The following C12orf76 variants were observed in gnomAD, a reference collection of about 807,000 sequenced individuals.
The protein encoded by C12orf76 is uncharacterized protein C12orf76.
In C12orf76, 6 loss-of-function variants were observed where a neutral mutation model predicts 6.8. The observed-to-expected ratio is 0.88, with a 90% CI of 0.48 to 1.73. The LOEUF (loss-of-function observed/expected upper bound fraction) is 1.73, where lower values mean the gene tolerates loss of function less well. Ranked by LOEUF, C12orf76 falls within the 40% of genes most tolerant of loss-of-function variation. The pLI is 0.01. For missense variants in C12orf76, 99 were observed against 98.2 expected (o/e 1.01, Z -0.03); for synonymous variants, 56 against 43.7 (o/e 1.28, Z -1.11).
At chr12:110,046,736 C>CT (rs1892459010) in intron 1 of C12orf76, among the ~76,000 whole-genome samples, 1 of 152,166 alleles carries the variant, frequency 6.6e-6, no homozygotes, top group South Asian at 2.1e-4. Flanking sequence ...GCAGACTACC[C>CT]TTTGAGTAGT....
At chr12:110,058,697 GC>G (rs1892719173) in intron 3 of C12orf76, among the ~76,000 whole-genome samples, 1 of 152,058 alleles carries the variant, frequency 6.6e-6, no homozygotes, top group South Asian at 2.1e-4. Flanking sequence ...AGAAAGAACT[GC>G]CCATTTTGTA....
chr12:110,061,180 C>T (rs1265397206), intron 2 of C12orf76, among the ~76,000 whole-genome samples: 2 of 151,886 alleles, frequency 1.3e-5, no homozygotes, highest in African/African-American at 4.8e-5. Flanking sequence ...ATGAACACTT[C>T]GAACTCAATG....
At chr12:110,067,609 C>T (rs895531299) in exon 1 of C12orf76, 72 of 983,222 alleles carry the variant, frequency 7.3e-5, no homozygotes, top group Admixed American at 1.2e-4. Flanking sequence ...CTCCAGACCT[C>T]AGGTGATCCA....
intron 3 of C12orf76, among the ~76,000 whole-genome samples, chr12:110,058,526 G>A (rs1408641653): frequency 6.6e-6 from 1 of 152,116 alleles, no homozygotes; most frequent in Non-Finnish European, 1.5e-5. Context: ...TTATCCAGTT[G>A]TGGTGGTGCA....
In C12orf76 at chr12:110,054,397, C is replaced by T. The variant is rs1164623947; in HGVS notation, n.664+2792G>A. Reference sequence around the variant, plus strand: ...AACAGGGTACTCATACATGCTATTACATCGATGAACCTTGAAAACATTATG... The same window carrying T: ...AACAGGGTACTCATACATGCTATTATATCGATGAACCTTGAAAACATTATG... On this transcript the variant is annotated intron_variant and non_coding_transcript_variant, in intron 4 of 4. Coordinates refer to the C12orf76 transcript ENST00000309050. The surrounding 1 kb of genome is among the most constrained non-coding windows in gnomAD (Gnocchi z 4.4). Among the ~76,000 whole-genome samples the T allele has an allele frequency of 6.6e-6, 1 of 152,218 alleles. No individual in the cohort carries two copies. The highest frequency in any genetic ancestry group is 1.5e-5 in the Non-Finnish European group (1 of 68,040).
chr12:110,043,697 C>CA (rs908138002), intron 1 of C12orf76, among the ~76,000 whole-genome samples: 10 of 151,340 alleles, frequency 6.6e-5, no homozygotes, highest in East Asian at 1.9e-4. Flanking sequence ...ACTAAAAATA[C>CA]AAAAAAAATT....
At chr12:110,044,043 A>AAAAG (rs1404188966) in intron 1 of C12orf76, 20 of 152,138 alleles carry the variant, frequency 1.3e-4, no homozygotes, top group African/African-American at 4.1e-4. Context: ...AAGAAAAAAA[A>AAAAG]AAACTAGCGT....
At chr12:110,048,542 C>T (rs1892514439), upstream of C12orf76, 3 of 1,372,258 alleles carry the variant, frequency 2.2e-6, no homozygotes, top group East Asian at 3.0e-5. Context: ...GTCGCAAGCC[C>T]TGCCTCTGTC....
chr12:110,042,588 A>T (rs1289158965), intron 1 of C12orf76, 129 bp from the exon 2 acceptor site: 1 of 716,298 alleles, frequency 1.4e-6, no homozygotes, highest in Admixed American at 2.0e-5. Flanking sequence ...AAACAGCTGT[A>T]AACAGATCCT....
chr12:110,059,378 G>T (rs188687989), intron 2 of C12orf76, among the ~76,000 whole-genome samples: 2 of 152,182 alleles, frequency 1.3e-5, no homozygotes, highest in African/African-American at 4.8e-5. Context: ...TTGTCTAATT[G>T]CTCTGGCTAG....
chr12:110,064,284 C>T (rs942597469), intron 2 of C12orf76, among the ~76,000 whole-genome samples: 2 of 152,222 alleles, frequency 1.3e-5, no homozygotes, highest in Non-Finnish European at 2.9e-5. Flanking sequence ...TTTTGGAAAG[C>T]TTGGGTCTCA....
At chr12:110,058,946 T>C (rs1566077076) in intron 3 of C12orf76, 4 of 1,480,114 alleles carry the variant, frequency 2.7e-6, no homozygotes, top group Admixed American at 2.7e-5. Context: ...ACCAAAAAAA[T>C]GAAAACAAAA....
upstream of C12orf76, among the ~76,000 whole-genome samples, chr12:110,052,503 C>G (rs146152654): frequency 4.7e-3 from 723 of 152,222 alleles, 8 homozygotes; most frequent in African/African-American, 0.017. Context: ...GCTGCAGGAG[C>G]TACTCTTTAT....
chr12:110,070,464 G>GATGA, upstream of C12orf76, among the ~76,000 whole-genome samples: 1 of 152,184 alleles, frequency 6.6e-6, no homozygotes, highest in East Asian at 1.9e-4. Context: ...TACTTGGGAG[G>GATGA]ATGAGGCAGG....
At chr12:110,051,266 A>C (rs776035852), upstream of C12orf76, 1 of 734,902 alleles carries the variant, frequency 1.4e-6, no homozygotes, top group Non-Finnish European at 2.5e-6. Context: ...GCTCGGCTGC[A>C]TGACTTGCTT....
At chr12:110,068,835 T>TA (rs1422321805), upstream of C12orf76, among the ~76,000 whole-genome samples, 6 of 152,174 alleles carry the variant, frequency 3.9e-5, no homozygotes, top group Non-Finnish European at 8.8e-5. Context: ...GATTGCCACC[T>TA]ATGGTCCACA....
intron 2 of C12orf76, among the ~76,000 whole-genome samples, chr12:110,065,549 C>T (rs1892845288): frequency 6.6e-6 from 1 of 152,122 alleles, no homozygotes. Flanking sequence ...CTAGCAAATC[C>T]ATCAGTTCTG....
chr12:110,042,836 T>A (rs1951738095), intron 1 of C12orf76, among the ~76,000 whole-genome samples: 1 of 151,658 alleles, frequency 6.6e-6, no homozygotes, highest in Non-Finnish European at 1.5e-5. Flanking sequence ...GGTGGGTGGA[T>A]CACTTGAGGT....
upstream of C12orf76, among the ~76,000 whole-genome samples, chr12:110,053,539 A>G (rs1593246881): frequency 6.6e-6 from 1 of 152,214 alleles, no homozygotes; most frequent in Non-Finnish European, 1.5e-5. Flanking sequence ...TCTAATGCAT[A>G]GCCAGGGCTG....
Sources: gnomAD v4.1 joint callset for allele counts (sites outside exome capture counted in the v4.1 genomes callset) on GRCh38, gnomAD v4.1.1 for gene constraint, Gnocchi (gnomAD v3.1) non-coding constraint, MANE v1.5 for transcripts, NCBI Gene and HGNC (gene_info 2026-07-23, HGNC 2026-07-21) for gene names.